The following NOS1AP variants were observed in gnomAD, a reference collection of about 807,000 sequenced individuals.
NOS1AP encodes nitric oxide synthase 1 adaptor protein, also known as carboxyl-terminal PDZ ligand of neuronal nitric oxide synthase protein.
In NOS1AP, 21 loss-of-function variants were observed where a neutral mutation model predicts 56.2. The observed-to-expected ratio is 0.37, with a 90% CI of 0.26 to 0.54. NOS1AP has a LOEUF of 0.54. Among genes scored for constraint, NOS1AP ranks in the 20% least tolerant of loss-of-function variants. The pLI is 0.84. For synonymous variants in NOS1AP, 270 were observed against 274.6 expected (o/e 0.98, Z 0.17); for missense variants, 522 against 657.8 (o/e 0.79, Z 2.26).
intron 2 of NOS1AP, among the ~76,000 whole-genome samples, chr1:162,157,348 C>T (rs1650016897): frequency 6.6e-6 from 1 of 152,186 alleles, no homozygotes; most frequent in African/African-American, 2.4e-5. Context: ...TAGCAAGTGC[C>T]GTGGTATGTG....
intron 2 of NOS1AP, among the ~76,000 whole-genome samples, chr1:162,174,337 C>T (rs1008260657): frequency 5.0e-5 from 7 of 140,808 alleles, no homozygotes; most frequent in Admixed American, 1.6e-4. Flanking sequence ...CATGTTCTCA[C>T]TTATAGGTGG....
intron 2 of NOS1AP, among the ~76,000 whole-genome samples, chr1:162,268,438 C>A (rs1255181158): frequency 1.3e-5 from 2 of 152,086 alleles, no homozygotes; most frequent in African/African-American, 4.8e-5. Context: ...CAGTTTGCTT[C>A]CTGATCACTT....
chr1:162,220,401 A>G (rs942041348), intron 2 of NOS1AP, among the ~76,000 whole-genome samples: 5 of 152,092 alleles, frequency 3.3e-5, no homozygotes, highest in Admixed American at 6.6e-5. Context: ...AGGGAGGTAG[A>G]TGAACAGTGT....
chr1:162,122,518 T>C (rs1648281755), intron 1 of NOS1AP, among the ~76,000 whole-genome samples: 1 of 151,772 alleles, frequency 6.6e-6, no homozygotes, highest in South Asian at 2.1e-4. Flanking sequence ...CATTTTTTTT[T>C]TTTTTTTGAG....
intron 1 of NOS1AP, among the ~76,000 whole-genome samples, chr1:162,153,887 G>A (rs1051486938): frequency 6.6e-6 from 1 of 151,900 alleles, no homozygotes; most frequent in Non-Finnish European, 1.5e-5. Flanking sequence ...TCCTCCAGTC[G>A]GGAACTTAAT....
intron 2 of NOS1AP, among the ~76,000 whole-genome samples, chr1:162,156,527 C>T (rs889151680): frequency 1.3e-5 from 2 of 152,162 alleles, no homozygotes; most frequent in African/African-American, 2.4e-5. Flanking sequence ...GCTACTTTCA[C>T]CACAGTTGTG....
intron 6 of NOS1AP, among the ~76,000 whole-genome samples, chr1:162,351,470 T>C (rs1046191548): frequency 1.6e-4 from 25 of 152,304 alleles, no homozygotes; most frequent in Admixed American, 1.5e-3. Context: ...CAGCCAGGGC[T>C]ACTTCACCAT....
At chr1:162,310,575 A>T (rs988832054) in intron 4 of NOS1AP, among the ~76,000 whole-genome samples, 1 of 152,212 alleles carries the variant, frequency 6.6e-6, no homozygotes, top group Non-Finnish European at 1.5e-5. Context: ...CCTTTCATTG[A>T]TAGTTCCTTT....
intron 2 of NOS1AP, among the ~76,000 whole-genome samples, chr1:162,199,238 CTT>C (rs1350619199): frequency 2.0e-5 from 3 of 152,114 alleles, no homozygotes; most frequent in Admixed American, 1.3e-4. Context: ...GGTTTTTACT[CTT>C]TGATGGAATC....
intron 2 of NOS1AP, among the ~76,000 whole-genome samples, chr1:162,285,614 A>AT (rs1553201988): frequency 1.3e-5 from 2 of 150,682 alleles, no homozygotes; most frequent in Non-Finnish European, 3.0e-5. Flanking sequence ...CAAAAAAAAA[A>AT]TCCTGTCAGA....
chr1:162,212,553 C>A (rs1652386170), intron 2 of NOS1AP, among the ~76,000 whole-genome samples: 1 of 152,104 alleles, frequency 6.6e-6, no homozygotes, highest in Admixed American at 6.5e-5. Context: ...CGCTGCCCAC[C>A]CCAGTCTGGT....
At chr1:162,240,589 A>G (rs561739134) in intron 2 of NOS1AP, among the ~76,000 whole-genome samples, 66 of 152,314 alleles carry the variant, frequency 4.3e-4, no homozygotes, top group African/African-American at 1.5e-3. Context: ...AGTCTCACTC[A>G]CTGTTCTCCC....
chr1:162,341,369 G>T (rs1462393213), intron 5 of NOS1AP, among the ~76,000 whole-genome samples: 1 of 152,170 alleles, frequency 6.6e-6, no homozygotes, highest in Non-Finnish European at 1.5e-5. Context: ...CCCTGGGAAT[G>T]AAACCGACGG....
chr1:162,223,962 T>C (rs944125417), intron 2 of NOS1AP, among the ~76,000 whole-genome samples: 5 of 152,188 alleles, frequency 3.3e-5, no homozygotes, highest in Non-Finnish European at 2.9e-5. Context: ...GCATGGATCA[T>C]GGATAATACA....
In NOS1AP at chr1:162,365,451, G is replaced by A; in HGVS notation, c.987G>A (p.Leu329=). 1 of 1,614,084 alleles carries A rather than the reference G, an allele frequency of 6.2e-7. No homozygotes were observed. The highest frequency in any genetic ancestry group is 1.7e-5 in the Admixed American group (1 of 60,034). ...DQLAAEAAAR[L]EAQARVHQLL... is the part of the protein sequence containing the mutation. ...TGGCTGCTGAGGCTGCGGCGCGGCTGGAGGCCCAGGCTCGCGTGCATCAGC... is the reference window on the plus strand; with the variant it reads ...TGGCTGCTGAGGCTGCGGCGCGGCTAGAGGCCCAGGCTCGCGTGCATCAGC... Residue 329 remains leucine, a synonymous_variant, in exon 9 of 10, where the codon CTG becomes CTA. Transcript: ENST00000361897.
intron 3 of NOS1AP, among the ~76,000 whole-genome samples, chr1:162,287,935 A>G (rs1263844140): frequency 1.3e-5 from 2 of 152,250 alleles, no homozygotes; most frequent in African/African-American, 4.8e-5. Flanking sequence ...TCGTCCCTCA[A>G]GACCCAGCCA....
chr1:162,177,774 A>G lies in NOS1AP; in HGVS notation c.177+23298A>G, dbSNP rs560154286. Among the ~76,000 whole-genome samples the G allele has an allele frequency of 5.3e-5, 8 of 152,312 alleles. No individual in the cohort carries two copies. In the South Asian group the frequency reaches 1.7e-3, roughly 32 times the overall value. On this transcript the variant is annotated intron_variant, in intron 2 of 9. Transcript: ENST00000361897. ...ATATTCCTGCCCCTGCACATGCACA[A>G]TGTCCCCCACTTTAAACATTCCACA...
At chr1:162,129,971 G>T (rs1381506816) in intron 1 of NOS1AP, among the ~76,000 whole-genome samples, 7 of 152,198 alleles carry the variant, frequency 4.6e-5, no homozygotes, top group Admixed American at 4.6e-4. Context: ...AATTACTTGG[G>T]TTTAATTTAT....
chr1:162,178,710 T>A (rs1474947220), intron 2 of NOS1AP, among the ~76,000 whole-genome samples: 3 of 152,210 alleles, frequency 2.0e-5, no homozygotes, highest in Non-Finnish European at 1.5e-5. Context: ...CAGAAGCACC[T>A]CGTTCAGCTC....
Sources: gnomAD v4.1 joint callset for allele counts (sites outside exome capture counted in the v4.1 genomes callset) on GRCh38, gnomAD v4.1.1 for gene constraint, MANE v1.5 for transcripts, NCBI Gene and HGNC (gene_info 2026-07-23, HGNC 2026-07-21) for gene names.